Variants in WDR35 observed in about 807,000 individuals in gnomAD.
The protein encoded by WDR35 is WD repeat domain 35, also known as WD repeat-containing protein 35.
A neutral mutation model predicts 158.3 loss-of-function variants in WDR35; 118 were observed. The observed-to-expected ratio is 0.75, with a 90% CI of 0.64 to 0.87. The LOEUF (loss-of-function observed/expected upper bound fraction) is 0.87. WDR35 is among the 40% of genes least tolerant of loss of function. The probability of loss-of-function intolerance (pLI) is 0.00; values close to 1 mark genes in which losing one functional copy is unlikely to be tolerated. For synonymous variants in WDR35, 448 were observed against 476.1 expected (o/e 0.94, Z 0.77); for missense variants, 1,263 against 1,405.8 (o/e 0.90, Z 1.62).
At position 19,914,293 on chromosome 2, in the gene WDR35, C is replaced by CA; in HGVS notation, c.3122-17dup. 1.2e-6 allele frequency: 2 copies of CA among 1,613,736 alleles called. No homozygotes were observed. Among genetic ancestry groups the CA allele is most frequent in the Non-Finnish European group, 1.7e-6 (2 of 1,179,872 alleles). ...AGGTGAAGAGCTAAGAAAAACAGGG[C>CA]AATTGGGGTTTTTTAAAATAATTAT... On this transcript the variant is annotated splice_polypyrimidine_tract_variant and intron_variant, in intron 25 of 26. Transcript: ENST00000281405.
intron 11 of WDR35, among the ~76,000 whole-genome samples, chr2:19,956,163 T>C (rs1671424015): frequency 6.6e-6 from 1 of 152,250 alleles, no homozygotes; most frequent in African/African-American, 2.4e-5. Flanking sequence ...ATGGATACTC[T>C]AATGCTGGTA....
intron 13 of WDR35, among the ~76,000 whole-genome samples, chr2:19,950,863 C>A (rs992618771): frequency 1.2e-4 from 18 of 152,136 alleles, no homozygotes; most frequent in Admixed American, 6.5e-4. Flanking sequence ...GAGGAGATGA[C>A]ATGCTGATTG....
At position 19,948,181 on chromosome 2, in the gene WDR35, C is replaced by A. The variant is rs199669524; in HGVS notation, c.1507G>T (p.Asp503Tyr). The change falls in exon 14 of 27, where the codon GAT becomes TAT. Residue 503 changes from aspartate (D) to tyrosine (Y), a missense_variant. Physicochemically the swap from Asp to Tyr is radical, Grantham distance 160. Coordinates refer to ENST00000281405, the MANE Select transcript of WDR35 (RefSeq NM_020779.4). ...RDPICAITAS[D>Y]KILIVGRESG... Reference sequence around the variant, plus strand: ...AAACTTACCACAATCAATATCTTATCTGATGCAGTTATGGCACAAATTGGA... The same window carrying A: ...AAACTTACCACAATCAATATCTTATATGATGCAGTTATGGCACAAATTGGA... 2 of 1,609,370 alleles carry A rather than the reference C, an allele frequency of 1.2e-6. No individual in the cohort carries two copies. The highest frequency in any genetic ancestry group is 1.3e-5 in the African/African-American group (1 of 74,944).
chr2:19,968,953 C>G (rs2103447754), intron 9 of WDR35, among the ~76,000 whole-genome samples: 1 of 152,346 alleles, frequency 6.6e-6, no homozygotes, highest in Non-Finnish European at 1.5e-5. Flanking sequence ...TCTGGCTCCC[C>G]TTTGGGTTTG....
intron 16 of WDR35, among the ~76,000 whole-genome samples, chr2:19,942,124 A>G (rs577377460): frequency 6.6e-6 from 1 of 152,344 alleles, no homozygotes; most frequent in East Asian, 1.9e-4. Flanking sequence ...TTTCTCTTAC[A>G]TGGCCACATT....
In WDR35 at chr2:19,989,272, G is replaced by A. The variant is rs1672669873; in HGVS notation, c.35C>T (p.Pro12Leu). ...FFYLSKKISI[P>L]NNVKLQCVSW... is the part of the protein sequence containing the mutation. ...TACACACTGCAGCTTCACGTTATTG[G>A]GAATGGAAATCTGAAAAAGCAACCA... The change falls in exon 2 of 27, where the codon CCC becomes CTC. Residue 12 changes from proline (P) to leucine (L), a missense_variant. Pro to Leu is a moderately conservative substitution (Grantham distance 98). Transcript: ENST00000281405. 1.9e-6 allele frequency: 3 copies of A among 1,614,178 alleles called. No individual in the cohort carries two copies. The highest frequency in any genetic ancestry group is 2.5e-6 in the Non-Finnish European group (3 of 1,180,034).
At position 19,974,521 on chromosome 2, in the gene WDR35, G is replaced by A. The variant is rs754240525; in HGVS notation, c.683C>T (p.Ala228Val). The change falls in exon 7 of 27, where the codon GCT becomes GTT. Residue 228 changes from alanine (A) to valine (V), a missense_variant. Physicochemically the swap from Ala to Val is moderately conservative, Grantham distance 64. Coordinates refer to ENST00000281405, the MANE Select transcript of WDR35 (RefSeq NM_020779.4). ...GYVEPDCPCL[A>V]VCFDNGRCQI... is the part of the protein sequence containing the mutation. ...GCATCTTCCATTATCAAAGCAAACA[G>A]CAAGGCAAGGGCAATCAGGCTCCAC... The A allele has an allele frequency of 3.1e-6, 5 of 1,612,210 alleles. No individual in the cohort carries two copies. Among genetic ancestry groups the A allele is most frequent in the Non-Finnish European group, 4.2e-6 (5 of 1,178,970 alleles).
chr2:19,968,826 T>C (rs1276162563), intron 9 of WDR35, among the ~76,000 whole-genome samples: 2 of 152,258 alleles, frequency 1.3e-5, no homozygotes, highest in African/African-American at 2.4e-5. Context: ...ATACTGATTA[T>C]ATGTTATGTT....
intron 12 of WDR35, 33 bp from the exon 13 acceptor site, chr2:19,951,517 T>A: frequency 1.3e-6 from 2 of 1,532,972 alleles, no homozygotes; most frequent in Non-Finnish European, 1.8e-6. Context: ...AAAGAAAGTT[T>A]AAGTATAGTT....
intron 2 of WDR35, 151 bp downstream of exon 2, chr2:19,989,014 A>T: frequency 1.3e-6 from 1 of 768,316 alleles, no homozygotes; most frequent in Non-Finnish European, 2.3e-6. Context: ...CTTTATTGCA[A>T]ATATACTCCA....
chr2:19,959,564 T>C (rs1671565674), intron 11 of WDR35, among the ~76,000 whole-genome samples: 1 of 152,080 alleles, frequency 6.6e-6, no homozygotes, highest in Non-Finnish European at 1.5e-5. Context: ...TGTGTCAATA[T>C]ATCTAAGTGA....
intron 6 of WDR35, 45 bp downstream of exon 6, chr2:19,975,485 T>C: frequency 6.3e-7 from 1 of 1,578,032 alleles, no homozygotes; most frequent in Non-Finnish European, 8.7e-7. Context: ...TGTACGATAA[T>C]CATATAAAAT....
chr2:19,987,499 T>A (rs1430309103), intron 2 of WDR35, among the ~76,000 whole-genome samples: 2 of 152,096 alleles, frequency 1.3e-5, no homozygotes, highest in Admixed American at 1.3e-4. Flanking sequence ...CCTTCAATGT[T>A]AAACAAAATG....
chr2:19,917,912 G>A (rs532472129), intron 25 of WDR35, among the ~76,000 whole-genome samples: 3 of 152,050 alleles, frequency 2.0e-5, no homozygotes, highest in African/African-American at 4.8e-5. Context: ...GATACTCCTC[G>A]AGAACAGCAA....
At chr2:19,943,431 T>C (rs569890945) in intron 16 of WDR35, among the ~76,000 whole-genome samples, 59 of 152,230 alleles carry the variant, frequency 3.9e-4, no homozygotes, top group African/African-American at 1.3e-3. Context: ...GCATGAACCA[T>C]AGCAATTAGC....
In WDR35 at chr2:19,931,323, G is replaced by A; in HGVS notation, c.2910C>T (p.Tyr970=). 7 of 1,612,840 alleles carry A rather than the reference G, an allele frequency of 4.3e-6. No individual in the cohort carries two copies. Among genetic ancestry groups the A allele is most frequent in the East Asian group, 2.2e-5 (1 of 44,702 alleles). The change falls in exon 24 of 27, where the codon TAC becomes TAT. Residue 970 remains tyrosine (Y), a synonymous_variant. Coordinates refer to ENST00000281405, the MANE Select transcript of WDR35 (RefSeq NM_020779.4). The part of the protein sequence containing the change: ...YVLSALLIEQ[Y]HEQMKNAQRG... Reference sequence around the variant, plus strand: ...GCTGGGCATTCTTCATCTGTTCATGGTATTGCTCTATAAGTAAGGCTGACA... The same window carrying A: ...GCTGGGCATTCTTCATCTGTTCATGATATTGCTCTATAAGTAAGGCTGACA...
chr2:19,932,200 A>G (rs1670546329), intron 23 of WDR35, 83 bp downstream of exon 23: 1 of 1,570,510 alleles, frequency 6.4e-7, no homozygotes, highest in Non-Finnish European at 8.7e-7. Context: ...TTTGTTTCCA[A>G]AGAAAATGGA....
chr2:19,984,002 C>CATATATATATATATATATAT (rs753374553), intron 2 of WDR35, among the ~76,000 whole-genome samples: 1 of 89,944 alleles, frequency 1.1e-5, no homozygotes, highest in African/African-American at 4.7e-5. Flanking sequence ...CATTCTAATG[C>CATATATATATATATATATAT]ATATATATAT....
At chr2:19,914,329 T>C in intron 25 of WDR35, 52 bp from the exon 26 acceptor site, 2 of 1,605,398 alleles carry the variant, frequency 1.2e-6, no homozygotes, top group Non-Finnish European at 1.7e-6. Flanking sequence ...TATGATATCA[T>C]GAACATGCAA....
Sources: gnomAD v4.1 joint callset for allele counts (sites outside exome capture counted in the v4.1 genomes callset) on GRCh38, gnomAD v4.1.1 for gene constraint, MANE v1.5 for transcripts, NCBI Gene and HGNC (gene_info 2026-07-23, HGNC 2026-07-21) for gene names.